The following UBE2H variants were observed in gnomAD, a reference collection of about 807,000 sequenced individuals.
The protein encoded by UBE2H is ubiquitin-conjugating enzyme E2 H.
UBE2H carries 3 observed loss-of-function variants against 29.0 expected under a neutral mutation model. The ratio of observed to expected loss-of-function variants is 0.10; its 90% CI spans 0.05 to 0.27. UBE2H has a LOEUF of 0.27. Ranked by LOEUF, UBE2H falls within the 10% of genes least tolerant of loss-of-function variation. The pLI is 1.00. For synonymous variants in UBE2H, 69 were observed against 82.9 expected (o/e 0.83, Z 0.91); for missense variants, 68 against 228.2 (o/e 0.30, Z 4.52).
At chr7:129,938,176 CAAGGCA>C (rs1807567975) in intron 1 of UBE2H, among the ~76,000 whole-genome samples, 1 of 151,946 alleles carries the variant, frequency 6.6e-6, no homozygotes, top group Non-Finnish European at 1.5e-5. Flanking sequence ...TTTGGAAGGC[CAAGGCA>C]AGAGGATTGC....
At chr7:129,891,816 A>ACC (rs1806495310) in intron 1 of UBE2H, among the ~76,000 whole-genome samples, 5 of 150,798 alleles carry the variant, frequency 3.3e-5, no homozygotes, top group Non-Finnish European at 7.4e-5. Flanking sequence ...AAAACAAAAA[A>ACC]AAAAAAAAAA....
At chr7:129,908,920 T>G (rs1394825035) in intron 1 of UBE2H, among the ~76,000 whole-genome samples, 2 of 152,206 alleles carry the variant, frequency 1.3e-5, no homozygotes, top group Non-Finnish European at 2.9e-5. Context: ...ACTAACAGCC[T>G]TAAGTTTTGT....
chr7:129,883,453 T>C (rs1806294565), intron 1 of UBE2H, among the ~76,000 whole-genome samples: 1 of 152,222 alleles, frequency 6.6e-6, no homozygotes, highest in Non-Finnish European at 1.5e-5. Context: ...GGACTATTTG[T>C]AACATCCAAA....
chr7:129,854,927 AAC>A (rs2116310029), intron 5 of UBE2H, among the ~76,000 whole-genome samples: 1 of 152,344 alleles, frequency 6.6e-6, no homozygotes, highest in South Asian at 2.1e-4. Context: ...TGAAAAAAAA[AAC>A]AGTCACAAAA....
intron 3 of UBE2H, among the ~76,000 whole-genome samples, chr7:129,862,303 C>G (rs1370456082): frequency 6.6e-6 from 1 of 152,166 alleles, no homozygotes; most frequent in African/African-American, 2.4e-5. Flanking sequence ...AAAACTAACA[C>G]CTAATGAAGC....
intron 1 of UBE2H, among the ~76,000 whole-genome samples, chr7:129,894,575 C>A (rs1374297188): frequency 6.7e-6 from 1 of 149,934 alleles, no homozygotes; most frequent in Non-Finnish European, 1.5e-5. Flanking sequence ...GCAACCTCCA[C>A]CTCCCGGGTT....
intron 3 of UBE2H, among the ~76,000 whole-genome samples, chr7:129,861,942 C>A (rs1440658292): frequency 2.0e-5 from 3 of 152,138 alleles, no homozygotes. Context: ...ATTACACAAG[C>A]ATTAACTAGT....
At chr7:129,949,036 G>A (rs774414027) in intron 1 of UBE2H, 3 of 456,496 alleles carry the variant, frequency 6.6e-6, no homozygotes, top group South Asian at 3.1e-5. Flanking sequence ...CTGAGGAGCG[G>A]TGCCTGCGGC....
chr7:129,868,827 G>A (rs1805968339), intron 3 of UBE2H, among the ~76,000 whole-genome samples: 2 of 152,020 alleles, frequency 1.3e-5, no homozygotes, highest in South Asian at 4.1e-4. Context: ...TTCTCTCACT[G>A]AGAACTTCAG....
chr7:129,837,199 C>CTA (rs1197859787), intron 6 of UBE2H, among the ~76,000 whole-genome samples: 1 of 152,168 alleles, frequency 6.6e-6, no homozygotes, highest in African/African-American at 2.4e-5. Flanking sequence ...CAGGCCTAGA[C>CTA]ACACATTCAG....
At chr7:129,940,366 T>G (rs929646406) in intron 1 of UBE2H, among the ~76,000 whole-genome samples, 2 of 152,210 alleles carry the variant, frequency 1.3e-5, no homozygotes, top group Non-Finnish European at 2.9e-5. Flanking sequence ...CATTCTCAAT[T>G]AATTGATATC....
chr7:129,917,753 G>C (rs935083763), intron 1 of UBE2H, among the ~76,000 whole-genome samples: 1 of 152,102 alleles, frequency 6.6e-6, no homozygotes, highest in African/African-American at 2.4e-5. Flanking sequence ...GTGAAAAGGA[G>C]GGGTAAAAAA....
At chr7:129,940,872 A>G (rs1807627385) in intron 1 of UBE2H, among the ~76,000 whole-genome samples, 1 of 152,260 alleles carries the variant, frequency 6.6e-6, no homozygotes, top group African/African-American at 2.4e-5. Flanking sequence ...CACTAATGCA[A>G]CAACAGCCTC....
rs776406082 is a variant in UBE2H, at chr7:129,834,995, G to A, written c.494C>T (p.Ser165Leu). The change falls in exon 7 of 7, where the codon TCA (serine) becomes TTA (leucine). Residue 165 changes from serine to leucine, a missense_variant. Ser to Leu is a moderately radical substitution (Grantham distance 145). This residue lies in a region of UBE2H where 25 missense variants were observed against 32.4 expected (regional missense o/e 0.77). Transcript: ENST00000355621. The part of the protein sequence containing the change: ...KEQEEGTGDS[S>L]SESSMSDFSE... ...AAAGTCAGACATAGAGCTCTCCGAT[G>A]AGCTGTCCCCGGTACCCTCTTCCTG... The A allele has an allele frequency of 2.5e-6, 4 of 1,614,068 alleles. No homozygotes were observed. The highest frequency in any genetic ancestry group is 3.4e-6 in the Non-Finnish European group (4 of 1,180,030).
chr7:129,850,628 C>T (rs1805591311), intron 5 of UBE2H, among the ~76,000 whole-genome samples: 1 of 151,964 alleles, frequency 6.6e-6, no homozygotes, highest in Admixed American at 6.6e-5. Flanking sequence ...CCAGCATGGC[C>T]AAGATGGTGA....
At chr7:129,948,236 C>T (rs1807803872) in intron 1 of UBE2H, among the ~76,000 whole-genome samples, 1 of 151,584 alleles carries the variant, frequency 6.6e-6, no homozygotes, top group Admixed American at 6.6e-5. Flanking sequence ...GCTCACTGGA[C>T]CCTCAAACTC....
chr7:129,839,748 T>C (rs1805393293), intron 5 of UBE2H: 2 of 228,808 alleles, frequency 8.7e-6, no homozygotes, highest in Admixed American at 6.1e-5. Flanking sequence ...TCTTGCTCTA[T>C]TGCCCAGGCT....
chr7:129,899,489 T>C (rs1806665990), intron 1 of UBE2H, among the ~76,000 whole-genome samples: 1 of 152,120 alleles, frequency 6.6e-6, no homozygotes, highest in African/African-American at 2.4e-5. Flanking sequence ...TGTTCACCAA[T>C]CCAACAGAGC....
At chr7:129,938,762 T>C (rs1807583351) in intron 1 of UBE2H, among the ~76,000 whole-genome samples, 1 of 151,694 alleles carries the variant, frequency 6.6e-6, no homozygotes, top group Non-Finnish European at 1.5e-5. Flanking sequence ...CACAAGATTA[T>C]GTACTTGTAG....
Sources: gnomAD v4.1 joint callset for allele counts (sites outside exome capture counted in the v4.1 genomes callset) on GRCh38, gnomAD v4.1.1 for gene constraint, gnomAD v4.1.1 regional missense constraint, MANE v1.5 for transcripts, NCBI Gene and HGNC (gene_info 2026-07-23, HGNC 2026-07-21) for gene names.